Variants in NEK10 observed in about 807,000 individuals in gnomAD.
NEK10 encodes the protein NIMA related kinase 10.
NEK10 carries 122 observed loss-of-function variants against 159.8 expected under a neutral mutation model. The ratio of observed to expected loss-of-function variants is 0.76; its 90% CI spans 0.66 to 0.89. The LOEUF is 0.89. Ranked by LOEUF, NEK10 falls within the 40% of genes least tolerant of loss-of-function variation. The pLI is 0.00. For missense variants in NEK10, 1,342 were observed against 1,323.1 expected (o/e 1.01, Z -0.22); for synonymous variants, 466 against 457.1 (o/e 1.02, Z -0.25).
chr3:27,285,202 GT>G (rs2042488533), intron 20 of NEK10, among the ~76,000 whole-genome samples: 1 of 152,152 alleles, frequency 6.6e-6, no homozygotes, highest in South Asian at 2.1e-4. Context: ...CTTAGCATAA[GT>G]TTACACTGGC....
At chr3:27,223,963 G>A (rs1952378173) in intron 23 of NEK10, among the ~76,000 whole-genome samples, 1 of 152,212 alleles carries the variant, frequency 6.6e-6, no homozygotes, top group South Asian at 2.1e-4. Context: ...CCCCTGAAAA[G>A]ATATGTTGAA....
chr3:27,174,554 CA>C, intron 27 of NEK10, 29 bp from the exon 28 acceptor site: 4 of 1,601,140 alleles, frequency 2.5e-6, no homozygotes, highest in Non-Finnish European at 3.4e-6. Flanking sequence ...AATAAAAAAG[CA>C]AATGAGTCTT....
At chr3:27,247,820 C>CTTTTTTTTTT (rs111440414) in intron 23 of NEK10, among the ~76,000 whole-genome samples, 70 of 125,788 alleles carry the variant, frequency 5.6e-4, no homozygotes, top group East Asian at 9.2e-4. Flanking sequence ...CTTTTCTTTT[C>CTTTTTTTTTT]TTTTTTTTTT....
chr3:27,113,435 C>CAAAAAAAAAAAAAAAAAAAAA, intron 35 of NEK10, among the ~76,000 whole-genome samples: 1 of 81,512 alleles, frequency 1.2e-5, no homozygotes, highest in Non-Finnish European at 2.3e-5. Context: ...GATTCCATCT[C>CAAAAAAAAAAAAAAAAAAAAA]AAAAAAAAAA....
At chr3:27,334,802 G>GAA (rs2046680422) in intron 5 of NEK10, among the ~76,000 whole-genome samples, 1 of 152,170 alleles carries the variant, frequency 6.6e-6, no homozygotes, top group African/African-American at 2.4e-5. Flanking sequence ...ATGTGCAGAT[G>GAA]TCAGTGTAAG....
intron 31 of NEK10, among the ~76,000 whole-genome samples, chr3:27,140,219 C>A (rs959264350): frequency 1.3e-4 from 20 of 152,058 alleles, no homozygotes; most frequent in Admixed American, 1.1e-3. Context: ...AGAAACCTGC[C>A]CTAAGTTGCC....
intron 5 of NEK10, among the ~76,000 whole-genome samples, chr3:27,322,678 G>A (rs985054035): frequency 1.1e-4 from 17 of 152,194 alleles, no homozygotes; most frequent in African/African-American, 4.1e-4. Flanking sequence ...ATTAATGGGG[G>A]TGTGTGCATT....
intron 2 of NEK10, 78 bp from the exon 3 acceptor site, chr3:27,352,603 G>A (rs2048051824): frequency 9.6e-7 from 1 of 1,044,298 alleles, no homozygotes; most frequent in East Asian, 2.4e-5. Flanking sequence ...TGATGGCATT[G>A]CCACTTGGAG....
At chr3:27,156,558 G>T (rs1945443297) in intron 30 of NEK10, among the ~76,000 whole-genome samples, 1 of 151,998 alleles carries the variant, frequency 6.6e-6, no homozygotes, top group Non-Finnish European at 1.5e-5. Context: ...AAAATGTTCA[G>T]CATCACTAAT....
intron 22 of NEK10, among the ~76,000 whole-genome samples, chr3:27,269,444 G>T (rs2041160656): frequency 6.6e-6 from 1 of 152,172 alleles, no homozygotes; most frequent in Non-Finnish European, 1.5e-5. Context: ...TGATCAGTAA[G>T]CAGCATCAAG....
chr3:27,285,003 T>C lies in NEK10; in HGVS notation c.1790-42A>G, dbSNP rs767675367. 8.0e-6 allele frequency: 12 copies of C among 1,503,718 alleles called. No homozygotes were observed. The Admixed American group carries it at 2.3e-4, about 29-fold the overall frequency. 93.1% of individuals were successfully genotyped at this position (1,503,718 alleles called of 1,614,324 possible). A position where few individuals can be genotyped will look rare whatever the true frequency, so the allele number is the denominator to read the frequency against. ...AAAGGTCACAGAAATTTAAACTCAA[T>C]ACAGGCATCTTGAAAAACTTTACGA... On this transcript the variant is annotated intron_variant, in intron 20 of 35. Transcript: ENST00000691995.
intron 32 of NEK10, among the ~76,000 whole-genome samples, chr3:27,126,570 C>T (rs1482155231): frequency 1.3e-5 from 2 of 152,142 alleles, no homozygotes; most frequent in Admixed American, 6.6e-5. Flanking sequence ...GGATCAGCAG[C>T]AGCAGCAGCC....
chr3:27,197,553 A>T (rs903570313), intron 25 of NEK10, among the ~76,000 whole-genome samples: 1 of 152,110 alleles, frequency 6.6e-6, no homozygotes, highest in Non-Finnish European at 1.5e-5. Context: ...CTGAGGCCTT[A>T]AGACTGTAGA....
intron 26 of NEK10, among the ~76,000 whole-genome samples, chr3:27,181,535 T>C (rs1948103199): frequency 6.6e-6 from 1 of 152,104 alleles, no homozygotes; most frequent in Non-Finnish European, 1.5e-5. Context: ...AGTGGATTCA[T>C]GCAGTTCAAA....
intron 22 of NEK10, among the ~76,000 whole-genome samples, chr3:27,266,285 T>C (rs1412131074): frequency 6.6e-6 from 1 of 152,158 alleles, no homozygotes; most frequent in Non-Finnish European, 1.5e-5. Context: ...ACTATATCCA[T>C]TTTTTTCTTC....
At chr3:27,305,002 TC>T in intron 11 of NEK10, 31 bp from the exon 12 acceptor site, 1 of 1,308,582 alleles carries the variant, frequency 7.6e-7, no homozygotes, top group Non-Finnish European at 1.1e-6. Context: ...GGGGTGAGAA[TC>T]ACAGCATCAT....
At chr3:27,221,734 G>A (rs947796063) in intron 23 of NEK10, among the ~76,000 whole-genome samples, 1 of 152,162 alleles carries the variant, frequency 6.6e-6, no homozygotes, top group Non-Finnish European at 1.5e-5. Flanking sequence ...GCTTCTGGAG[G>A]GATTTGCAGC....
chr3:27,252,745 C>A, intron 23 of NEK10: 1 of 357,946 alleles, frequency 2.8e-6, no homozygotes, highest in South Asian at 2.2e-5. Context: ...GTATTCCAGG[C>A]AAAGGGAGCT....
rs939912382 is a variant in NEK10, at chr3:27,181,162, C to G, written c.2506-6329G>C. On this transcript the variant is annotated intron_variant, in intron 26 of 35. Coordinates refer to ENST00000691995, the MANE Select transcript of NEK10 (RefSeq NM_001394966.1). ...ATGGGAGTGAGGGGCACCAATACTCCATGCAGTCAAAAATCTATGTATAAC... is the reference window on the plus strand; with the variant it reads ...ATGGGAGTGAGGGGCACCAATACTCGATGCAGTCAAAAATCTATGTATAAC... Among the ~76,000 whole-genome samples the G allele has an allele frequency of 7.9e-5, 12 of 152,092 alleles. No homozygotes were observed. In the South Asian group the frequency reaches 1.9e-3, roughly 24 times the overall value.
Sources: gnomAD v4.1 joint callset for allele counts (sites outside exome capture counted in the v4.1 genomes callset) on GRCh38, gnomAD v4.1.1 for gene constraint, MANE v1.5 for transcripts, NCBI Gene and HGNC (gene_info 2026-07-23, HGNC 2026-07-21) for gene names.